The following AK9 variants were observed in gnomAD, a reference collection of about 807,000 sequenced individuals.
AK9 encodes the protein adenylate kinase domain containing 1.
Under a neutral mutation model 239.6 loss-of-function variants are expected in AK9, and 191 were observed. That is an observed-to-expected ratio of 0.80 (90% confidence interval 0.71 to 0.90). The LOEUF (loss-of-function observed/expected upper bound fraction) is 0.90, where lower values mean the gene tolerates loss of function less well. AK9 is among the 40% of genes least tolerant of loss of function. The pLI, the probability that AK9 is intolerant of heterozygous loss-of-function variation, is 0.00. For missense variants in AK9, 1,995 were observed against 2,214.7 expected (o/e 0.90, Z 1.99); for synonymous variants, 689 against 721.0 (o/e 0.96, Z 0.71).
At chr6:109,496,480 G>T (rs752703619) in intron 38 of AK9, among the ~76,000 whole-genome samples, 1 of 152,184 alleles carries the variant, frequency 6.6e-6, no homozygotes, top group Non-Finnish European at 1.5e-5. Flanking sequence ...TTCTTGGCAA[G>T]ATTACTAATG....
intron 17 of AK9, among the ~76,000 whole-genome samples, chr6:109,589,620 G>A (rs1115978): frequency 0.21 from 31,590 of 152,130 alleles, 3,462 homozygotes; most frequent in South Asian, 0.34. Flanking sequence ...AACAGCAGTG[G>A]TGAAACTGGG....
chr6:109,604,103 C>G (rs1305084668), intron 17 of AK9, among the ~76,000 whole-genome samples: 1 of 152,008 alleles, frequency 6.6e-6, no homozygotes, highest in Non-Finnish European at 1.5e-5. Flanking sequence ...CGACAAGCCC[C>G]AGTGAGATGA....
In AK9 at chr6:109,632,136, T is replaced by C. The variant is rs186323267; in HGVS notation, c.1254+787A>G. 1.0e-4 allele frequency: 103 copies of C among 984,772 alleles called. No individual in the cohort carries two copies. The East Asian group carries it at 9.4e-3, about 90-fold the overall frequency. 61.0% of individuals were successfully genotyped at this position (984,772 alleles called of 1,614,324 possible). A position where few individuals can be genotyped will look rare whatever the true frequency, so the allele number is the denominator to read the frequency against. ...GGGGGTTCATTTTGCGGTAACTCAG[T>C]GGGCTTCACTTTTCTGTATGTTTGT... On this transcript the variant is annotated intron_variant, in intron 12 of 40. Transcript: ENST00000424296.
At chr6:109,657,231 G>C (rs1469698286) in intron 7 of AK9, among the ~76,000 whole-genome samples, 2 of 152,140 alleles carry the variant, frequency 1.3e-5, no homozygotes, top group Non-Finnish European at 2.9e-5. Flanking sequence ...TATTTATTGA[G>C]TGCCTTCTAT....
intron 17 of AK9, among the ~76,000 whole-genome samples, chr6:109,605,292 TA>T: frequency 6.6e-6 from 1 of 152,138 alleles, no homozygotes; most frequent in Non-Finnish European, 1.5e-5. Context: ...ATGAGTGTGA[TA>T]GGAATATCAT....
chr6:109,508,579 G>A (rs1778353538), intron 33 of AK9, among the ~76,000 whole-genome samples: 1 of 151,078 alleles, frequency 6.6e-6, no homozygotes, highest in South Asian at 2.1e-4. Context: ...AAAACCTTGA[G>A]TAAATCAGGG....
intron 8 of AK9, among the ~76,000 whole-genome samples, chr6:109,650,894 C>T (rs7453405): frequency 0.72 from 109,567 of 152,058 alleles, 39,956 homozygotes; most frequent in East Asian, 0.99. Flanking sequence ...TGGAATACTA[C>T]GCAGCCATAA....
At chr6:109,671,620 A>C (rs2128335756) in intron 5 of AK9, among the ~76,000 whole-genome samples, 1 of 152,378 alleles carries the variant, frequency 6.6e-6, no homozygotes, top group South Asian at 2.1e-4. Flanking sequence ...GTGTATGAGG[A>C]AGCAGTCAGC....
At chr6:109,632,098 T>C (rs1796143542) in intron 12 of AK9, 2 of 937,450 alleles carry the variant, frequency 2.1e-6, no homozygotes, top group Non-Finnish European at 2.5e-6. Flanking sequence ...TTTGACCTGG[T>C]TGGTGGTTAC....
chr6:109,684,693 T>C, intron 1 of AK9, among the ~76,000 whole-genome samples: 1 of 138,654 alleles, frequency 7.2e-6, no homozygotes, highest in Non-Finnish European at 1.5e-5. Context: ...GCTAAAATGG[T>C]GAAACCCCGT....
chr6:109,528,477 G>A (rs899611603), intron 29 of AK9: 9 of 437,410 alleles, frequency 2.1e-5, no homozygotes, highest in African/African-American at 1.6e-4. Flanking sequence ...ATTAAGAGGA[G>A]GGTTCTTATT....
intron 1 of AK9, among the ~76,000 whole-genome samples, chr6:109,679,298 G>A (rs1306921040): frequency 2.0e-5 from 3 of 152,054 alleles, no homozygotes; most frequent in Non-Finnish European, 4.4e-5. Context: ...ACTGAGGCTT[G>A]AGTAGGTGAT....
At chr6:109,528,597 T>A (rs887174586) in intron 29 of AK9, 1 of 458,316 alleles carries the variant, frequency 2.2e-6, no homozygotes, top group African/African-American at 2.0e-5. Context: ...GCTTCTGCAA[T>A]GCTTTGTGCC....
intron 35 of AK9, among the ~76,000 whole-genome samples, chr6:109,500,647 A>G (rs545148079): frequency 6.6e-6 from 1 of 152,326 alleles, no homozygotes. Context: ...ATGTACTATT[A>G]CAGCACTGTA....
chr6:109,569,580 C>G (rs1239635043), intron 21 of AK9, among the ~76,000 whole-genome samples: 1 of 152,050 alleles, frequency 6.6e-6, no homozygotes, highest in African/African-American at 2.4e-5. Context: ...AACAAATTTA[C>G]AAGAAAAAAT....
In AK9 at chr6:109,564,858, A is replaced by G; in HGVS notation, c.2345-13T>C. Reference sequence around the variant, plus strand: ...ATAGGCTCAGATACTTAAGAAAGAAATCGAATAGTTAGTGTTTAAATTTGA... The same window carrying G: ...ATAGGCTCAGATACTTAAGAAAGAAGTCGAATAGTTAGTGTTTAAATTTGA... On this transcript the variant is annotated splice_polypyrimidine_tract_variant and intron_variant, in intron 21 of 40. Coordinates refer to ENST00000424296, the MANE Select transcript of AK9 (RefSeq NM_001145128.3). 2 of 1,508,692 alleles carry G rather than the reference A, an allele frequency of 1.3e-6. No homozygotes were observed. The allele number at this position is 1,508,692 out of a possible 1,614,324, so 93.5% of individuals were successfully genotyped here. A position where few individuals can be genotyped will look rare whatever the true frequency, so the allele number is the denominator to read the frequency against.
intron 25 of AK9, among the ~76,000 whole-genome samples, chr6:109,547,603 A>T (rs533212912): frequency 6.6e-6 from 1 of 152,322 alleles, no homozygotes; most frequent in East Asian, 1.9e-4. Flanking sequence ...AGAAGAAAAC[A>T]TTGGGGAAGT....
In AK9 at chr6:109,497,481, G is replaced by C; in HGVS notation, c.5299C>G (p.Leu1767Val). 1 of 1,595,760 alleles carries C rather than the reference G, an allele frequency of 6.3e-7. No individual in the cohort carries two copies. Among genetic ancestry groups the C allele is most frequent in the Non-Finnish European group, 8.6e-7 (1 of 1,163,988 alleles). ...TGGTCTCACCTCAAAAATTTCTGGA[G>C]TTTTTCTTTGTTCTCACAAATATAT... ...RIYICENKEK[L>V]QKFLRSPLKY... Residue 1767 changes from leucine (L) to valine (V), a missense_variant, in exon 38 of 41, where the codon CTC becomes GTC. This residue lies in a region of AK9 where 391 missense variants were observed against 456.0 expected (regional missense o/e 0.86). Transcript: ENST00000424296.
chr6:109,501,161 G>A (rs1011932332), intron 35 of AK9, among the ~76,000 whole-genome samples: 25 of 152,194 alleles, frequency 1.6e-4, no homozygotes, highest in African/African-American at 5.8e-4. Context: ...ATAGCCATAT[G>A]TCAGCTCATG....
Sources: gnomAD v4.1 joint callset for allele counts (sites outside exome capture counted in the v4.1 genomes callset) on GRCh38, gnomAD v4.1.1 for gene constraint, gnomAD v4.1.1 regional missense constraint, MANE v1.5 for transcripts, NCBI Gene and HGNC (gene_info 2026-07-23, HGNC 2026-07-21) for gene names.